The following PPFIA2 variants were observed in gnomAD, a reference collection of about 807,000 sequenced individuals.
PPFIA2 encodes PPFI scaffold protein A2, also known as liprin-alpha-2.
A neutral mutation model predicts 175.5 loss-of-function variants in PPFIA2; 46 were observed. The ratio of observed to expected loss-of-function variants is 0.26; its 90% CI spans 0.21 to 0.34. The LOEUF (loss-of-function observed/expected upper bound fraction) is 0.34. Ranked by LOEUF, PPFIA2 falls within the 10% of genes least tolerant of loss-of-function variation. The probability of loss-of-function intolerance (pLI) is 1.00; values close to 1 mark genes in which losing one functional copy is unlikely to be tolerated. For synonymous variants in PPFIA2, 568 were observed against 511.4 expected, an observed-to-expected ratio of 1.11 and a Z score of -1.49; for missense variants, 1,179 against 1,506.1, an observed-to-expected ratio of 0.78 and a Z score of 3.60.
At chr12:81,730,420 G>A (rs34503239) in intron 3 of PPFIA2, among the ~76,000 whole-genome samples, 1 of 151,508 alleles carries the variant, frequency 6.6e-6, no homozygotes, top group Non-Finnish European at 1.5e-5. Context: ...AAGAGAAGCA[G>A]GTAACTTCTT....
intron 4 of PPFIA2, among the ~76,000 whole-genome samples, chr12:81,500,306 C>T (rs2060460563): frequency 6.6e-6 from 1 of 152,128 alleles, no homozygotes; most frequent in Non-Finnish European, 1.5e-5. Flanking sequence ...TCCTATAGAG[C>T]CTAGTACTAC....
intron 3 of PPFIA2, among the ~76,000 whole-genome samples, chr12:81,684,710 G>T (rs1427533324): frequency 6.6e-6 from 1 of 151,952 alleles, no homozygotes; most frequent in Non-Finnish European, 1.5e-5. Flanking sequence ...CTTGAAAGAA[G>T]CTTTGAAATC....
In PPFIA2 at chr12:81,642,707, T is replaced by TATGTATATATTATATACATAC. The variant is rs1567687586; in HGVS notation, c.303+34083_303+34084insGTATGTATATAATATATACAT. 1.1e-3 allele frequency among the ~76,000 whole-genome samples: 78 copies of TATGTATATATTATATACATAC among 69,866 alleles called. 26 individuals carry two copies. The highest frequency in any genetic ancestry group is 2.5e-3 in the Non-Finnish European group (71 of 28,100). 45.8% of individuals were successfully genotyped at this position (69,866 alleles called of 152,430 possible). The stretch of plus-strand genomic sequence containing the variant: ...TCTATTATATACATACATGTATATG[T>TATGTATATATTATATACATAC]ATGTATGTATTATATACATACATGT... On this transcript the variant is annotated intron_variant, in intron 4 of 32. Transcript: ENST00000549396.
chr12:81,724,312 G>T (rs2079738405), intron 3 of PPFIA2, among the ~76,000 whole-genome samples: 2 of 150,804 alleles, frequency 1.3e-5, no homozygotes, highest in South Asian at 2.1e-4. Flanking sequence ...GTAATTTTGA[G>T]CCTTCTATTT....
At chr12:81,524,674 T>A (rs1322849374) in intron 4 of PPFIA2, among the ~76,000 whole-genome samples, 1 of 152,220 alleles carries the variant, frequency 6.6e-6, no homozygotes, top group Non-Finnish European at 1.5e-5. Context: ...TTTAGACTTC[T>A]AAGTTGATAT....
At chr12:81,533,218 A>C (rs2064850313) in intron 4 of PPFIA2, among the ~76,000 whole-genome samples, 2 of 151,762 alleles carry the variant, frequency 1.3e-5, no homozygotes, top group South Asian at 4.1e-4. Flanking sequence ...TGAAGTATAT[A>C]ATGGTTACAA....
chr12:81,755,933 T>G (rs1175644476), intron 2 of PPFIA2, among the ~76,000 whole-genome samples: 2 of 152,190 alleles, frequency 1.3e-5, no homozygotes, highest in Non-Finnish European at 2.9e-5. Flanking sequence ...TGCATTTATC[T>G]CAATTTGATT....
intron 30 of PPFIA2, among the ~76,000 whole-genome samples, chr12:81,264,966 C>T (rs1157325106): frequency 6.6e-6 from 1 of 150,814 alleles, no homozygotes; most frequent in African/African-American, 2.4e-5. Flanking sequence ...AGCTACACAA[C>T]TCCTTACAGT....
intron 16 of PPFIA2, among the ~76,000 whole-genome samples, chr12:81,355,273 C>A (rs1426968606): frequency 2.0e-5 from 3 of 152,062 alleles, no homozygotes; most frequent in African/African-American, 7.2e-5. Context: ...TTTTTCTGAG[C>A]AGTAAGTCTC....
chr12:81,479,937 A>G (rs778224069), intron 4 of PPFIA2, among the ~76,000 whole-genome samples: 11 of 151,968 alleles, frequency 7.2e-5, no homozygotes, highest in Non-Finnish European at 1.0e-4. Flanking sequence ...CATTTCCTGA[A>G]TTTGAATGTT....
At chr12:81,365,027 A>G (rs1482966673) in intron 14 of PPFIA2, among the ~76,000 whole-genome samples, 1 of 151,698 alleles carries the variant, frequency 6.6e-6, no homozygotes, top group African/African-American at 2.4e-5. Context: ...TGGCAATAGA[A>G]TATATAAACT....
chr12:81,715,245 A>G (rs1196638907), intron 3 of PPFIA2, among the ~76,000 whole-genome samples: 1 of 147,148 alleles, frequency 6.8e-6, no homozygotes, highest in East Asian at 2.5e-4. Context: ...ATTTGGTAAG[A>G]CTGTGTGAAC....
At chr12:81,557,105 G>A (rs2069012547) in intron 4 of PPFIA2, among the ~76,000 whole-genome samples, 1 of 150,986 alleles carries the variant, frequency 6.6e-6, no homozygotes, top group Non-Finnish European at 1.5e-5. Context: ...GTATTTATCA[G>A]GTCTCATTCT....
intron 3 of PPFIA2, among the ~76,000 whole-genome samples, chr12:81,753,332 A>C (rs1331452320): frequency 6.6e-6 from 1 of 152,050 alleles, no homozygotes; most frequent in East Asian, 1.9e-4. Flanking sequence ...TTTTTTCTGT[A>C]AAATACAAAG....
At chr12:81,536,367 T>G (rs2065373924) in intron 4 of PPFIA2, among the ~76,000 whole-genome samples, 1 of 151,632 alleles carries the variant, frequency 6.6e-6, no homozygotes, top group Non-Finnish European at 1.5e-5. Flanking sequence ...ACTTTTATGG[T>G]GCTTTACCAT....
intron 3 of PPFIA2, among the ~76,000 whole-genome samples, chr12:81,689,449 C>G (rs1205056781): frequency 6.6e-6 from 1 of 151,858 alleles, no homozygotes; most frequent in African/African-American, 2.4e-5. Context: ...GTTTATAATA[C>G]CAAATAATAC....
At position 81,284,469 on chromosome 12, in the gene PPFIA2, C is replaced by T. The variant is rs1054718407; in HGVS notation, c.2926-166G>A. ...AGCATGGCTGGTTTGCTCAGAGCTC[C>T]CTGTTTCTTCTACTCAAAAAGATTA... On this transcript the variant is annotated intron_variant, in intron 24 of 32. Coordinates refer to ENST00000549396, the MANE Select transcript of PPFIA2 (RefSeq NM_003625.5). 3.3e-5 allele frequency: 18 copies of T among 540,394 alleles called. 1 individual carries two copies. Among genetic ancestry groups the T allele is most frequent in the Admixed American group, 2.7e-4 (9 of 33,132 alleles). The allele number at this position is 540,394 out of a possible 1,614,324, so 33.5% of individuals were successfully genotyped here.
intron 14 of PPFIA2, among the ~76,000 whole-genome samples, 158 bp from the exon 15 acceptor site, chr12:81,362,942 TG>T: frequency 6.6e-6 from 1 of 151,570 alleles, no homozygotes; most frequent in Non-Finnish European, 1.5e-5. Flanking sequence ...ATTTTCCCCT[TG>T]TAATAAAAAA....
Position 81,294,967 on chromosome 12 carries a change from C to A in PPFIA2, c.2793G>T (p.Met931Ile). 1.2e-6 allele frequency: 2 copies of A among 1,613,764 alleles called. No individual in the cohort carries two copies. Among genetic ancestry groups the A allele is most frequent in the Non-Finnish European group, 1.7e-6 (2 of 1,179,790 alleles). Residue 931 changes from methionine to isoleucine, a missense_variant, in exon 24 of 33, where the codon ATG becomes ATT. Coordinates refer to ENST00000549396, the MANE Select transcript of PPFIA2 (RefSeq NM_003625.5). ...GGATCTCAGTGTCAGATAAAGCAGA[C>A]ATGATGGCACCACTCTTCACGTTGG... The part of the protein sequence containing the change: ...CRANVKSGAI[M>I]SALSDTEIQR...
Sources: gnomAD v4.1 joint callset for allele counts (sites outside exome capture counted in the v4.1 genomes callset) on GRCh38, gnomAD v4.1.1 for gene constraint, MANE v1.5 for transcripts, NCBI Gene and HGNC (gene_info 2026-07-23, HGNC 2026-07-21) for gene names.